LAMA4: variants seen among roughly 807,000 people sequenced by gnomAD.
LAMA4 encodes laminin subunit alpha 4.
Under a neutral mutation model 207.1 loss-of-function variants are expected in LAMA4, and 127 were observed. The observed-to-expected ratio is 0.61, with a 90% confidence interval of 0.53 to 0.71. The LOEUF (loss-of-function observed/expected upper bound fraction) is 0.71. Among genes scored for constraint, LAMA4 ranks in the 30% least tolerant of loss-of-function variants. LAMA4 has a pLI of 0.00. For missense variants in LAMA4, 2,093 were observed against 2,246.5 expected, an observed-to-expected ratio of 0.93 and a Z score of 1.38; for synonymous variants, 761 against 816.0, an observed-to-expected ratio of 0.93 and a Z score of 1.15.
chr6:112,237,866 C>T lies in LAMA4; in HGVS notation c.195+16090G>A, dbSNP rs1194708655. Among the ~76,000 whole-genome samples, 3 of 152,206 alleles carry T rather than the reference C, an allele frequency of 2.0e-5. No homozygotes were observed. In the East Asian group the frequency reaches 5.8e-4, roughly 29 times the overall value. On this transcript the variant is annotated intron_variant, in intron 2 of 38. Coordinates refer to ENST00000230538, the MANE Select transcript of LAMA4 (RefSeq NM_001105206.3). ...GTTACCAATGCACGACATGGGTTAT[C>T]CTGATTCCAGGCTCTCTGCCACCTA...
chr6:112,228,597 A>G (rs1280328515), intron 2 of LAMA4, among the ~76,000 whole-genome samples: 4 of 152,170 alleles, frequency 2.6e-5, no homozygotes, highest in Non-Finnish European at 4.4e-5. Flanking sequence ...ATTTGCAAAG[A>G]TCTGCTCCCT....
chr6:112,119,685 A>G (rs1179522329), intron 33 of LAMA4, among the ~76,000 whole-genome samples: 2 of 152,136 alleles, frequency 1.3e-5, no homozygotes, highest in African/African-American at 4.8e-5. Context: ...TCTGACCTCT[A>G]GATAGAATGA....
At chr6:112,177,188 G>A (rs1417141542) in intron 10 of LAMA4, among the ~76,000 whole-genome samples, 1 of 152,142 alleles carries the variant, frequency 6.6e-6, no homozygotes, top group African/African-American at 2.4e-5. Context: ...AGGAGTGTTT[G>A]GATTGCATGT....
At chr6:112,153,854 C>A (rs1425850537) in intron 16 of LAMA4, among the ~76,000 whole-genome samples, 2 of 151,454 alleles carry the variant, frequency 1.3e-5, no homozygotes, top group African/African-American at 4.9e-5. Flanking sequence ...CCTTTGTTTG[C>A]CCAGAAAAAT....
At chr6:112,168,116 C>T (rs11968750) in intron 12 of LAMA4, among the ~76,000 whole-genome samples, 70,268 of 149,658 alleles carry the variant, frequency 0.47, 17,334 homozygotes, top group Middle Eastern at 0.69. Context: ...GAGAATGGCA[C>T]GAACCCGGGA....
intron 2 of LAMA4, among the ~76,000 whole-genome samples, chr6:112,235,881 T>A (rs960277824): frequency 6.6e-6 from 1 of 152,162 alleles, no homozygotes; most frequent in Non-Finnish European, 1.5e-5. Flanking sequence ...ATGGGATGCA[T>A]GATTTGGTTA....
chr6:112,120,870 AAG>A (rs1369220440), intron 32 of LAMA4, among the ~76,000 whole-genome samples: 2 of 151,952 alleles, frequency 1.3e-5, no homozygotes, highest in African/African-American at 4.8e-5. Flanking sequence ...CTGGGAGTTC[AAG>A]ACCAGCTTGG....
At chr6:112,185,162 G>T in intron 9 of LAMA4, 75 bp downstream of exon 9, 2 of 981,176 alleles carry the variant, frequency 2.0e-6, no homozygotes, top group Admixed American at 1.7e-5. Flanking sequence ...TCAGTCGTTT[G>T]TGACCAGCCA....
chr6:112,157,579 G>A (rs972798843), intron 14 of LAMA4, among the ~76,000 whole-genome samples: 5 of 152,150 alleles, frequency 3.3e-5, no homozygotes, highest in Admixed American at 2.0e-4. Flanking sequence ...CATGTTTCAC[G>A]TAAAGCATGT....
At chr6:112,155,427 T>C in intron 15 of LAMA4, 138 bp downstream of exon 15, 1 of 892,482 alleles carries the variant, frequency 1.1e-6, no homozygotes, top group East Asian at 2.6e-5. Flanking sequence ...ATTCATGAAA[T>C]GGTCTTCCCT....
rs117552790 is a variant in LAMA4 at position 112,216,660 on chromosome 6, A to G, written c.196-191T>C. On this transcript the variant is annotated intron_variant, in intron 2 of 38. Coordinates refer to ENST00000230538, the MANE Select transcript of LAMA4 (RefSeq NM_001105206.3). ...CCATTCAGTGATAGATGATGTATAT[A>G]TAATCTTCTTTGTTACATAACTTTT... is the stretch of plus-strand genomic sequence containing the variant. The G allele has an allele frequency of 0.038, 22,523 of 596,946 alleles. 1,300 individuals carry two copies. The highest frequency in any genetic ancestry group is 0.21 in the Admixed American group (8,379 of 39,168). 37.0% of individuals were successfully genotyped at this position (596,946 alleles called of 1,614,324 possible). A position where few individuals can be genotyped will look rare whatever the true frequency, so the allele number is the denominator to read the frequency against.
In LAMA4 at chr6:112,182,269, G is replaced by A. The variant is rs140458582; in HGVS notation, c.1077+2968C>T. ...GTTCAAGTTTCTTACATAGAATGGT[G>A]TAGTATTTGCAATACTATAACCTAT... On this transcript the variant is annotated intron_variant, in intron 9 of 38. Coordinates refer to ENST00000230538, the MANE Select transcript of LAMA4 (RefSeq NM_001105206.3). Among the ~76,000 whole-genome samples the A allele has an allele frequency of 5.0e-4, 76 of 152,178 alleles. 1 individual carries two copies. The East Asian group carries it at 0.012, about 24-fold the overall frequency.
At chr6:112,231,423 A>T (rs1325408870) in intron 2 of LAMA4, among the ~76,000 whole-genome samples, 16 of 152,238 alleles carry the variant, frequency 1.1e-4, no homozygotes, top group African/African-American at 3.6e-4. Context: ...TTGGTTTGAC[A>T]TATGGCAATT....
chr6:112,150,480 A>G, intron 17 of LAMA4, 31 bp downstream of exon 17: 1 of 1,322,786 alleles, frequency 7.6e-7, no homozygotes, highest in East Asian at 2.3e-5. Flanking sequence ...GTGAATCAAC[A>G]GATGAGACTT....
chr6:112,154,357 CA>C (rs55988988), intron 16 of LAMA4, among the ~76,000 whole-genome samples: 71,263 of 120,184 alleles, frequency 0.59, 20,064 homozygotes, highest in South Asian at 0.75. Context: ...ACACAAACTA[CA>C]AAAAAAAAAA....
intron 35 of LAMA4, among the ~76,000 whole-genome samples, chr6:112,116,937 G>A (rs1778053829): frequency 6.6e-6 from 1 of 152,138 alleles, no homozygotes; most frequent in Non-Finnish European, 1.5e-5. Flanking sequence ...TAAGCAGAGA[G>A]GAAATACTAC....
chr6:112,153,880 T>C (rs1258474502), intron 16 of LAMA4, among the ~76,000 whole-genome samples: 1 of 139,666 alleles, frequency 7.2e-6, no homozygotes, highest in Non-Finnish European at 1.6e-5. Context: ...AACAGTTGTT[T>C]TATGGGAAAT....
chr6:112,231,998 T>TA (rs1201417795), intron 2 of LAMA4, among the ~76,000 whole-genome samples: 1 of 152,212 alleles, frequency 6.6e-6, no homozygotes, highest in Non-Finnish European at 1.5e-5. Flanking sequence ...CTCTTATTTG[T>TA]AAAATGTGAG....
chr6:112,205,162 G>A (rs1783987501), intron 4 of LAMA4, among the ~76,000 whole-genome samples: 2 of 152,094 alleles, frequency 1.3e-5, no homozygotes, highest in South Asian at 2.1e-4. Flanking sequence ...ATATTACATC[G>A]AAACACTTAG....
Sources: allele counts gnomAD v4.1 joint callset (sites outside exome capture counted in the v4.1 genomes callset), GRCh38; gene constraint gnomAD v4.1.1; transcripts MANE v1.5; gene names NCBI Gene and HGNC (gene_info 2026-07-23, HGNC 2026-07-21).